The following PTPRD variants were observed in gnomAD, a reference collection of about 807,000 sequenced individuals.
PTPRD encodes the protein receptor-type tyrosine-protein phosphatase delta.
In PTPRD, 34 loss-of-function variants were observed where a neutral mutation model predicts 214.5. That is an observed-to-expected ratio of 0.16 (90% confidence interval 0.12 to 0.21). The LOEUF (loss-of-function observed/expected upper bound fraction) is 0.21, where lower values mean the gene tolerates loss of function less well. Among genes scored for constraint, PTPRD ranks in the 10% least tolerant of loss-of-function variants. PTPRD has a pLI of 1.00. For synonymous variants in PTPRD, 1,128 were observed against 845.7 expected (o/e 1.33, Z -5.79); for missense variants, 2,545 against 2,398.7 (o/e 1.06, Z -1.27).
chr9:9,270,051 G>A (rs919254148), intron 9 of PTPRD, among the ~76,000 whole-genome samples: 2 of 150,496 alleles, frequency 1.3e-5, no homozygotes, highest in Admixed American at 6.7e-5. Context: ...TTATATACTG[G>A]AAATTTGCTA....
intron 7 of PTPRD, among the ~76,000 whole-genome samples, chr9:9,670,640 G>T (rs542970730): frequency 6.6e-6 from 1 of 152,328 alleles, no homozygotes; most frequent in South Asian, 2.1e-4. Flanking sequence ...GCAGCTTAGA[G>T]ACTTGGTGCC....
intron 12 of PTPRD, among the ~76,000 whole-genome samples, chr9:8,723,600 G>A (rs2098525389): frequency 6.6e-6 from 1 of 152,134 alleles, no homozygotes; most frequent in Non-Finnish European, 1.5e-5. Context: ...TAAATGAAAT[G>A]TTACTGAAAT....
intron 12 of PTPRD, among the ~76,000 whole-genome samples, chr9:8,649,288 G>A (rs1403851397): frequency 6.6e-6 from 1 of 152,164 alleles, no homozygotes; most frequent in African/African-American, 2.4e-5. Context: ...GAGCTGAAAG[G>A]CTTTGAGCCA....
chr9:9,019,282 A>G (rs915190615), intron 10 of PTPRD, among the ~76,000 whole-genome samples: 6 of 18,066 alleles, frequency 3.3e-4, no homozygotes, highest in Non-Finnish European at 7.6e-4. Flanking sequence ...AAAAAGAAAG[A>G]AGAAAGAAAG....
At chr9:8,899,936 T>A (rs1219927775) in intron 11 of PTPRD, among the ~76,000 whole-genome samples, 2 of 152,198 alleles carry the variant, frequency 1.3e-5, no homozygotes, top group African/African-American at 4.8e-5. Context: ...GAAACATGAA[T>A]CTTTGTGGAA....
chr9:9,836,058 C>T (rs760778350), intron 5 of PTPRD, among the ~76,000 whole-genome samples: 2 of 152,136 alleles, frequency 1.3e-5, no homozygotes, highest in Non-Finnish European at 2.9e-5. Flanking sequence ...CTGCTCACAT[C>T]TTTCTGGAAG....
At chr9:9,377,936 T>C (rs559298467) in intron 9 of PTPRD, among the ~76,000 whole-genome samples, 51 of 152,182 alleles carry the variant, frequency 3.4e-4, no homozygotes, top group South Asian at 2.1e-3. Flanking sequence ...TAAAGAGTAG[T>C]TTTAGGTTTA....
chr9:10,166,896 A>G (rs1038432490), intron 3 of PTPRD, among the ~76,000 whole-genome samples: 8 of 152,136 alleles, frequency 5.3e-5, no homozygotes, highest in African/African-American at 1.9e-4. Context: ...GTAGGTATAC[A>G]ATAATCAGCT....
At chr9:10,394,224 A>T (rs978906871) in intron 2 of PTPRD, among the ~76,000 whole-genome samples, 3 of 146,658 alleles carry the variant, frequency 2.0e-5, no homozygotes, top group Non-Finnish European at 4.5e-5. Flanking sequence ...ATATATTTCT[A>T]TTTCTATTAT....
Position 9,710,798 on chromosome 9 carries a change from C to CA in PTPRD, c.-287+23734dup, listed in dbSNP as rs1029031584. 3.8e-4 allele frequency among the ~76,000 whole-genome samples: 58 copies of CA among 152,248 alleles called. 1 individual carries two copies. The highest frequency in any genetic ancestry group is 1.3e-3 in the African/African-American group (54 of 41,558). The stretch of plus-strand genomic sequence containing the variant: ...CACCAACCTGTTGGACACACACACA[C>CA]ACACAGCAGTTTCTAGAATAATGTT... On this transcript the variant is annotated intron_variant, in intron 7 of 45. Coordinates refer to ENST00000381196, the MANE Select transcript of PTPRD (RefSeq NM_002839.4).
intron 10 of PTPRD, among the ~76,000 whole-genome samples, chr9:9,029,537 T>C (rs1486851932): frequency 6.6e-6 from 1 of 151,770 alleles, no homozygotes; most frequent in African/African-American, 2.4e-5. Context: ...GCCAGAGACA[T>C]TACAAAAGAA....
intron 44 of PTPRD, among the ~76,000 whole-genome samples, chr9:8,326,079 T>C (rs187665713): frequency 1.3e-5 from 2 of 152,358 alleles, no homozygotes; most frequent in Admixed American, 1.3e-4. Flanking sequence ...GTTGCCTGAC[T>C]GCCTTGGCCA....
intron 2 of PTPRD, among the ~76,000 whole-genome samples, chr9:10,480,007 C>G (rs1319986089): frequency 6.6e-6 from 1 of 152,076 alleles, no homozygotes; most frequent in African/African-American, 2.4e-5. Flanking sequence ...TGGAGGCAAG[C>G]TTTATCAGGA....
chr9:8,796,255 T>C (rs1004966944), intron 11 of PTPRD, among the ~76,000 whole-genome samples: 1 of 152,184 alleles, frequency 6.6e-6, no homozygotes, highest in Non-Finnish European at 1.5e-5. Context: ...TAAATTTTAA[T>C]TATACTGGAA....
intron 7 of PTPRD, among the ~76,000 whole-genome samples, chr9:9,618,351 C>A (rs2095030944): frequency 6.6e-6 from 1 of 151,800 alleles, no homozygotes; most frequent in South Asian, 2.1e-4. Context: ...AGAGACTACA[C>A]TTTAACCTCT....
chr9:8,374,982 T>C (rs752965824), intron 39 of PTPRD, among the ~76,000 whole-genome samples: 4 of 151,920 alleles, frequency 2.6e-5, no homozygotes, highest in Non-Finnish European at 5.9e-5. Context: ...AAGAGAGTGA[T>C]GGTATTAAGT....
chr9:9,429,357 G>T (rs950826341), intron 8 of PTPRD, among the ~76,000 whole-genome samples: 1 of 152,110 alleles, frequency 6.6e-6, no homozygotes, highest in Non-Finnish European at 1.5e-5. Flanking sequence ...CCAGGAAAAA[G>T]TTGAATTCCT....
At chr9:9,113,977 C>T (rs1357111137) in intron 10 of PTPRD, among the ~76,000 whole-genome samples, 1 of 152,128 alleles carries the variant, frequency 6.6e-6, no homozygotes. Flanking sequence ...AAGGAGCTAG[C>T]AGGTTTCTTT....
chr9:8,696,693 A>G (rs555574182), intron 12 of PTPRD, among the ~76,000 whole-genome samples: 8 of 152,350 alleles, frequency 5.3e-5, no homozygotes, highest in African/African-American at 1.4e-4. Context: ...AGGGTCTGAC[A>G]TAAGATGACG....
Sources: allele counts gnomAD v4.1 joint callset (sites outside exome capture counted in the v4.1 genomes callset), GRCh38; gene constraint gnomAD v4.1.1; transcripts MANE v1.5; gene names NCBI Gene and HGNC (gene_info 2026-07-23, HGNC 2026-07-21).